STARD8: variants seen among roughly 807,000 people sequenced by gnomAD.
STARD8 encodes the protein stAR-related lipid transfer protein 8.
In STARD8, 25 loss-of-function variants were observed where a neutral mutation model predicts 69.4. The ratio of observed to expected loss-of-function variants is 0.36; its 90% CI spans 0.26 to 0.50. The LOEUF (loss-of-function observed/expected upper bound fraction) is 0.50. Ranked by LOEUF, STARD8 falls within the 20% of genes least tolerant of loss-of-function variation. The pLI is 0.96. For synonymous variants in STARD8, 389 were observed against 374.6 expected, an observed-to-expected ratio of 1.04 and a Z score of -0.45; for missense variants, 921 against 932.5, an observed-to-expected ratio of 0.99 and a Z score of 0.16.
chrX:68,705,110 G>T (rs982597160), intron 2 of STARD8, among the ~76,000 whole-genome samples: 5 of 112,475 alleles, frequency 4.4e-5, no homozygotes, highest in Non-Finnish European at 9.4e-5. Flanking sequence ...TAGGCACCAT[G>T]ACCTTGTCAG....
At chrX:68,656,657 A>C (rs2079612652) in intron 1 of STARD8, 1 of 112,169 alleles carries the variant, frequency 8.9e-6, no homozygotes, top group African/African-American at 3.3e-5. Flanking sequence ...ACCTATACAC[A>C]CCATGGAATA....
intron 2 of STARD8, among the ~76,000 whole-genome samples, chrX:68,697,859 G>A (rs1002872758): frequency 7.9e-4 from 89 of 112,271 alleles, no homozygotes; most frequent in African/African-American, 2.8e-3. Flanking sequence ...GAGAGGGAGA[G>A]AAAGACCCCA....
rs923037939 is a variant in STARD8 at position 68,721,011 on chromosome X, G to A, written c.2137G>A (p.Glu713Lys). 6 of 1,210,167 alleles carry A rather than the reference G, an allele frequency of 5.0e-6. No individual in the cohort carries two copies. In the African/African-American group the frequency reaches 5.2e-5, roughly 11 times the overall value. The change falls in exon 9 of 15, where the codon GAG becomes AAG. Residue 713 changes from glutamate (E) to lysine (K), a missense_variant. Glu to Lys is a moderately conservative substitution (Grantham distance 56, BLOSUM62 1). Coordinates refer to ENST00000374599, the MANE Select transcript of STARD8 (RefSeq NM_001142503.3). ...GACCTCGCCTGACAATGTCTGCTACGAGGGCCAGTCAGCCTACGACGTGGC... is the reference window on the plus strand; with the variant it reads ...GACCTCGCCTGACAATGTCTGCTACAAGGGCCAGTCAGCCTACGACGTGGC... ...NETSPDNVCY[E>K]GQSAYDVADL...
At chrX:68,707,339 C>G (rs1267689755) in intron 2 of STARD8, among the ~76,000 whole-genome samples, 1 of 112,163 alleles carries the variant, frequency 8.9e-6, no homozygotes, top group Non-Finnish European at 1.9e-5. Flanking sequence ...GCTGGTCACT[C>G]TCCCTGCTCC....
At position 68,719,324 on chromosome X, in the gene STARD8, G is replaced by A. The variant is rs375273245; in HGVS notation, c.1815G>A (p.Leu605=). ...NRQFAGQINL[L]HKGSLLRLTA... ...AGTTTGCAGGCCAGATCAACCTCCT[G>A]CACAAGGGCTCACTGCTGCGGCTTA... The change falls in exon 7 of 15, where the codon CTG becomes CTA. Residue 605 remains leucine (L), a synonymous_variant. Transcript: ENST00000374599. The A allele has an allele frequency of 9.1e-6, 11 of 1,207,856 alleles. No homozygotes were observed.
chrX:68,682,892 G>A (rs6625360), intron 2 of STARD8, among the ~76,000 whole-genome samples: 11,616 of 111,801 alleles, frequency 0.1, 914 homozygotes, highest in African/African-American at 0.27. Flanking sequence ...GTCCCTGTAG[G>A]TGATGGGCAA....
chrX:68,649,182 A>G (rs1264944801), intron 1 of STARD8, among the ~76,000 whole-genome samples: 2 of 111,647 alleles, frequency 1.8e-5, no homozygotes, highest in African/African-American at 6.5e-5. Flanking sequence ...AGGAGGTCAC[A>G]TTTGGGCTGA....
chrX:68,661,970 C>CTCTTTCTTTCTTTCTTTCTT (rs1169605331), intron 1 of STARD8, among the ~76,000 whole-genome samples: 15 of 56,003 alleles, frequency 2.7e-4, no homozygotes, highest in Middle Eastern at 0.01. Context: ...CTCTCTCTCT[C>CTCTTTCTTTCTTTCTTTCTT]TCTTTCTTTC....
intron 2 of STARD8, among the ~76,000 whole-genome samples, chrX:68,697,026 A>T (rs184319603): frequency 4.5e-5 from 5 of 111,937 alleles, no homozygotes; most frequent in Admixed American, 9.4e-5. Flanking sequence ...CCCATGGCCA[A>T]TCCTGCCCTG....
intron 2 of STARD8, among the ~76,000 whole-genome samples, chrX:68,669,505 T>C (rs763463182): frequency 1.0e-3 from 114 of 112,335 alleles, no homozygotes; most frequent in Non-Finnish European, 1.6e-3. Context: ...GCTGCTGACC[T>C]TCCCTCCCAC....
intron 11 of STARD8, 31 bp from the exon 12 acceptor site, chrX:68,722,391 G>T: frequency 8.7e-7 from 1 of 1,148,791 alleles, no homozygotes. Flanking sequence ...GCTCTCTGGA[G>T]CTGCAGCCCA....
At chrX:68,691,692 A>G (rs377210481) in intron 2 of STARD8, among the ~76,000 whole-genome samples, 18 of 112,131 alleles carry the variant, frequency 1.6e-4, no homozygotes, top group African/African-American at 5.5e-4. Flanking sequence ...TTCTCCTTCT[A>G]AGTATTTATA....
intron 6 of STARD8, 139 bp from the exon 7 acceptor site, chrX:68,719,086 C>A: frequency 1.3e-6 from 1 of 786,710 alleles, no homozygotes; most frequent in Non-Finnish European, 1.7e-6. Flanking sequence ...GGGGCCTCAG[C>A]AGCAGCACTA....
intron 2 of STARD8, among the ~76,000 whole-genome samples, chrX:68,702,843 C>T (rs7890961): frequency 9.0e-5 from 10 of 111,407 alleles, no homozygotes; most frequent in African/African-American, 3.3e-4. Context: ...ATAATAATGG[C>T]TCAGTACAAA....
intron 2 of STARD8, among the ~76,000 whole-genome samples, chrX:68,668,107 T>TTCTTTCTG (rs1287859566): frequency 5.1e-5 from 5 of 98,323 alleles, no homozygotes; most frequent in African/African-American, 7.8e-5. Flanking sequence ...CTTTCTTTCT[T>TTCTTTCTG]TCTTTCTGTC....
intron 2 of STARD8, among the ~76,000 whole-genome samples, chrX:68,668,966 C>T (rs2079711423): frequency 1.8e-5 from 2 of 111,538 alleles, no homozygotes; most frequent in Non-Finnish European, 3.8e-5. Context: ...TGTACCACCC[C>T]AAATCATCCT....
At chrX:68,720,847 A>G (rs2080141319) in intron 8 of STARD8, 77 bp from the exon 9 acceptor site, 4 of 1,013,773 alleles carry the variant, frequency 3.9e-6, no homozygotes, top group Admixed American at 2.7e-5. Context: ...CCTGACACCC[A>G]GTCTAGGGCT....
At chrX:68,704,535 G>C (rs1030517076) in intron 2 of STARD8, among the ~76,000 whole-genome samples, 1 of 111,298 alleles carries the variant, frequency 9.0e-6, no homozygotes, top group Non-Finnish European at 1.9e-5. Flanking sequence ...GGAGAACCTA[G>C]AGCACAGTTG....
chrX:68,715,848 T>A (rs748828867), intron 4 of STARD8, among the ~76,000 whole-genome samples: 1 of 112,223 alleles, frequency 8.9e-6, no homozygotes, highest in Admixed American at 9.4e-5. Flanking sequence ...CTGCTTAAAA[T>A]GTGTCACTGC....
Sources: gnomAD v4.1 joint callset for allele counts (sites outside exome capture counted in the v4.1 genomes callset) on GRCh38, gnomAD v4.1.1 for gene constraint, MANE v1.5 for transcripts, NCBI Gene and HGNC (gene_info 2026-07-23, HGNC 2026-07-21) for gene names.